Variants in PPM1E observed in about 807,000 individuals in gnomAD.
The protein encoded by PPM1E is protein phosphatase, Mg2+/Mn2+ dependent 1E, also known as protein phosphatase 1E.
In PPM1E, 20 loss-of-function variants were observed where a neutral mutation model predicts 65.9. The observed-to-expected ratio is 0.30, with a 90% CI of 0.21 to 0.44. PPM1E has a LOEUF of 0.44. Ranked by LOEUF, PPM1E falls within the 20% of genes least tolerant of loss-of-function variation. The pLI, the probability that PPM1E is intolerant of heterozygous loss-of-function variation, is 1.00. For missense variants in PPM1E, 713 were observed against 953.1 expected (o/e 0.75, Z 3.32); for synonymous variants, 352 against 374.9 (o/e 0.94, Z 0.70).
chr17:58,850,656 T>G (rs2050817798), intron 1 of PPM1E, among the ~76,000 whole-genome samples: 1 of 152,246 alleles, frequency 6.6e-6, no homozygotes, highest in African/African-American at 2.4e-5. Flanking sequence ...GCTATTAGTC[T>G]GATGGGCTTC....
intron 1 of PPM1E, among the ~76,000 whole-genome samples, chr17:58,938,198 G>C (rs1406012818): frequency 6.6e-6 from 1 of 152,078 alleles, no homozygotes; most frequent in East Asian, 1.9e-4. Flanking sequence ...AATTATAGAA[G>C]TAGAATTTTA....
chr17:58,810,271 G>A (rs567485317), intron 1 of PPM1E, among the ~76,000 whole-genome samples: 2 of 152,008 alleles, frequency 1.3e-5, no homozygotes, highest in South Asian at 4.2e-4. Flanking sequence ...GCAGTGGTGC[G>A]ATCTCAGCTC....
chr17:58,968,032 G>T (rs1291694350), intron 3 of PPM1E, among the ~76,000 whole-genome samples: 5 of 152,028 alleles, frequency 3.3e-5, no homozygotes. Flanking sequence ...TTGATCTCTT[G>T]ACCTTGTGAT....
intron 1 of PPM1E, among the ~76,000 whole-genome samples, chr17:58,800,782 C>T (rs991884689): frequency 6.6e-6 from 1 of 152,026 alleles, no homozygotes; most frequent in Non-Finnish European, 1.5e-5. Flanking sequence ...TTATTCCTCA[C>T]CTGGGTGATG....
At chr17:58,756,497 G>A in intron 1 of PPM1E, 36 bp downstream of exon 1, 2 of 1,265,274 alleles carry the variant, frequency 1.6e-6, no homozygotes, top group East Asian at 3.2e-5. Context: ...GTGGGCCCGC[G>A]GTCCCCACCG....
intron 6 of PPM1E, among the ~76,000 whole-genome samples, chr17:58,976,930 A>G (rs1253213461): frequency 6.6e-6 from 1 of 152,214 alleles, no homozygotes; most frequent in African/African-American, 2.4e-5. Flanking sequence ...GTCAGGTAGA[A>G]TAGGGGATGG....
Position 58,820,764 on chromosome 17 carries a change from A to G in PPM1E, c.464+64303A>G, listed in dbSNP as rs140573191. 8.5e-5 allele frequency among the ~76,000 whole-genome samples: 13 copies of G among 152,324 alleles called. No homozygotes were observed. In the East Asian group the frequency reaches 1.7e-3, roughly 20 times the overall value. On this transcript the variant is annotated intron_variant, in intron 1 of 6. Transcript: ENST00000308249. ...GCTGTTATCTTATTTAGATATACAA[A>G]CAATTTAAAATAAATGTATTTAAAT...
chr17:58,881,616 C>A (rs564349360), intron 1 of PPM1E, among the ~76,000 whole-genome samples: 1 of 151,956 alleles, frequency 6.6e-6, no homozygotes, highest in African/African-American at 2.4e-5. Flanking sequence ...GAGCCAAGAT[C>A]GTGCCACTGC....
chr17:58,940,045 G>A (rs1462074941), intron 1 of PPM1E, among the ~76,000 whole-genome samples: 2 of 152,104 alleles, frequency 1.3e-5, no homozygotes, highest in Non-Finnish European at 2.9e-5. Flanking sequence ...TATAAACCTA[G>A]TACTCCAAAC....
chr17:58,900,342 G>T (rs543730448), intron 1 of PPM1E, among the ~76,000 whole-genome samples: 2 of 152,068 alleles, frequency 1.3e-5, no homozygotes, highest in African/African-American at 2.4e-5. Context: ...AGAAATTACC[G>T]CAGTCACTCC....
chr17:58,821,234 C>T (rs982004951), intron 1 of PPM1E, among the ~76,000 whole-genome samples: 1 of 152,072 alleles, frequency 6.6e-6, no homozygotes, highest in Non-Finnish European at 1.5e-5. Context: ...CCTCAGCCTC[C>T]TGAGTAGCTG....
chr17:58,827,511 G>C (rs557507963), intron 1 of PPM1E, among the ~76,000 whole-genome samples: 99 of 152,076 alleles, frequency 6.5e-4, no homozygotes, highest in African/African-American at 1.9e-3. Context: ...TTAACTACCT[G>C]GTTATAATCT....
chr17:58,779,139 A>G (rs1207637212), intron 1 of PPM1E, among the ~76,000 whole-genome samples: 3 of 151,598 alleles, frequency 2.0e-5, no homozygotes, highest in Admixed American at 6.6e-5. Context: ...ATTGTATCAA[A>G]AAATTGTAAA....
At chr17:58,840,666 T>C (rs2050709550) in intron 1 of PPM1E, among the ~76,000 whole-genome samples, 1 of 152,022 alleles carries the variant, frequency 6.6e-6, no homozygotes, top group African/African-American at 2.4e-5. Flanking sequence ...GAGAGGTATG[T>C]AAAAGAAGCC....
At position 58,880,259 on chromosome 17, in the gene PPM1E, A is replaced by G. The variant is rs555036417; in HGVS notation, c.465-75390A>G. Among the ~76,000 whole-genome samples, 71 of 152,334 alleles carry G rather than the reference A, an allele frequency of 4.7e-4. 1 individual carries two copies. In the South Asian group the frequency reaches 0.014, roughly 30 times the overall value. ...ATTTCATCTCCTGCTTTTAAGAAAC[A>G]GAAAAGAGGCTAGAAGGATCTTTTT... On this transcript the variant is annotated intron_variant, in intron 1 of 6. Transcript: ENST00000308249.
chr17:58,922,626 T>A (rs561406376), intron 1 of PPM1E, among the ~76,000 whole-genome samples: 26 of 152,250 alleles, frequency 1.7e-4, no homozygotes, highest in East Asian at 5.8e-4. Flanking sequence ...AGAATTTTTT[T>A]TTATTATTAT....
intron 6 of PPM1E, among the ~76,000 whole-genome samples, chr17:58,974,974 G>A (rs1172140890): frequency 6.6e-6 from 1 of 152,082 alleles, no homozygotes; most frequent in Non-Finnish European, 1.5e-5. Context: ...GCCAAAAAGG[G>A]GAAATGTCTC....
At chr17:58,938,424 C>T (rs199667084) in intron 1 of PPM1E, among the ~76,000 whole-genome samples, 3 of 147,882 alleles carry the variant, frequency 2.0e-5, no homozygotes, top group East Asian at 2.0e-4. Flanking sequence ...AGGTCTCTCT[C>T]GTGTGTGTGT....
intron 1 of PPM1E, among the ~76,000 whole-genome samples, chr17:58,820,735 A>G (rs2050471441): frequency 6.6e-6 from 1 of 152,222 alleles, no homozygotes; most frequent in African/African-American, 2.4e-5. Context: ...ATTATTGTCC[A>G]TGTGCTGTTA....
Sources: allele counts gnomAD v4.1 joint callset (sites outside exome capture counted in the v4.1 genomes callset), GRCh38; gene constraint gnomAD v4.1.1; transcripts MANE v1.5; gene names NCBI Gene and HGNC (gene_info 2026-07-23, HGNC 2026-07-21).